Variants in TXLNB observed in about 807,000 individuals in gnomAD.
The protein encoded by TXLNB is taxilin beta.
In TXLNB, 37 loss-of-function variants were observed where a neutral mutation model predicts 57.4. The ratio of observed to expected loss-of-function variants is 0.64; its 90% CI spans 0.50 to 0.85. The LOEUF is 0.85. TXLNB is among the 40% of genes least tolerant of loss of function. TXLNB has a pLI of 0.00. For missense variants in TXLNB, 848 were observed against 825.6 expected, an observed-to-expected ratio of 1.03 and a Z score of -0.33; for synonymous variants, 302 against 309.6, an observed-to-expected ratio of 0.98 and a Z score of 0.26.
chr6:139,189,796 T>C, the TXLNB span, among the ~76,000 whole-genome samples: 1 of 152,144 alleles, frequency 6.6e-6, no homozygotes, highest in Non-Finnish European at 1.5e-5. Flanking sequence ...TCTTGTCGGG[T>C]ATGAAGTCAC....
chr6:139,228,263 C>A, the TXLNB span, among the ~76,000 whole-genome samples: 6 of 152,122 alleles, frequency 3.9e-5, no homozygotes, highest in East Asian at 1.2e-3. Flanking sequence ...CACCTGTAAT[C>A]CCAGCACTTT....
At chr6:139,235,410 T>C (rs1439197459), downstream of TXLNB, among the ~76,000 whole-genome samples, 1 of 152,218 alleles carries the variant, frequency 6.6e-6, no homozygotes, top group Non-Finnish European at 1.5e-5. Context: ...TGGAATGAGT[T>C]AAGACTTTGG....
At chr6:139,280,215 G>A (rs1466262947) in intron 2 of TXLNB, among the ~76,000 whole-genome samples, 2 of 135,548 alleles carry the variant, frequency 1.5e-5, no homozygotes, top group African/African-American at 5.5e-5. Context: ...CTGTACCACT[G>A]CACTCCGGCC....
the TXLNB span, among the ~76,000 whole-genome samples, chr6:139,209,417 T>C: frequency 6.6e-6 from 1 of 152,030 alleles, no homozygotes; most frequent in Non-Finnish European, 1.5e-5. Context: ...AATACTATCA[T>C]CCTACTTCAC....
chr6:139,289,977 T>C (rs2114646603), intron 1 of TXLNB, among the ~76,000 whole-genome samples: 1 of 152,374 alleles, frequency 6.6e-6, no homozygotes, highest in South Asian at 2.1e-4. Context: ...TTCTCACTTT[T>C]CTGGCATTTT....
chr6:139,228,526 C>CAA, the TXLNB span, among the ~76,000 whole-genome samples: 889 of 44,154 alleles, frequency 0.02, 19 homozygotes, highest in African/African-American at 0.058. Flanking sequence ...AACTCCATCT[C>CAA]AAAAAAAAAA....
the TXLNB span, among the ~76,000 whole-genome samples, chr6:139,210,696 G>A: frequency 2.0e-4 from 30 of 152,372 alleles, no homozygotes; most frequent in East Asian, 5.8e-4. Context: ...CGCCTCACCC[G>A]GGAAGTGCAA....
At chr6:139,193,241 C>CTTTTTTTTTTTTTTTTTTTT in the TXLNB span, among the ~76,000 whole-genome samples, 1 of 101,210 alleles carries the variant, frequency 9.9e-6, no homozygotes, top group Non-Finnish European at 2.0e-5. Flanking sequence ...CTTTGACCCT[C>CTTTTTTTTTTTTTTTTTTTT]TTTTTTTTTT....
chr6:139,305,367 A>G, the TXLNB span, among the ~76,000 whole-genome samples: 1 of 152,196 alleles, frequency 6.6e-6, no homozygotes, highest in African/African-American at 2.4e-5. Flanking sequence ...TTTAAGGACA[A>G]TTTGCCTACA....
chr6:139,280,474 T>G (rs1777019839), intron 2 of TXLNB, among the ~76,000 whole-genome samples: 1 of 151,934 alleles, frequency 6.6e-6, no homozygotes, highest in South Asian at 2.1e-4. Flanking sequence ...TAAAACCGCG[T>G]CTCTACTAAA....
chr6:139,197,058 G>A, the TXLNB span, among the ~76,000 whole-genome samples: 2 of 152,166 alleles, frequency 1.3e-5, no homozygotes, highest in Non-Finnish European at 2.9e-5. Flanking sequence ...TTTGGGGGTG[G>A]GGGGTTATTA....
chr6:139,277,679 C>T (rs569336843), intron 2 of TXLNB, among the ~76,000 whole-genome samples: 6 of 152,104 alleles, frequency 3.9e-5, no homozygotes, highest in African/African-American at 7.2e-5. Context: ...CCTTAATATC[C>T]GTTGGCAGTT....
chr6:139,198,970 C>CAT, the TXLNB span, among the ~76,000 whole-genome samples: 4 of 144,778 alleles, frequency 2.8e-5, no homozygotes, highest in African/African-American at 1.1e-4. Context: ...TTTCTTTCTT[C>CAT]CTTTTTTTTT....
the TXLNB span, chr6:139,179,064 A>G: frequency 6.6e-6 from 1 of 152,182 alleles, no homozygotes; most frequent in Non-Finnish European, 1.5e-5. Context: ...TAAGAAGTAG[A>G]AAGTCATTGA....
chr6:139,194,695 A>G, the TXLNB span, among the ~76,000 whole-genome samples: 1 of 152,154 alleles, frequency 6.6e-6, no homozygotes, highest in African/African-American at 2.4e-5. Context: ...TGGCCTCTCA[A>G]TGTATTTCCA....
intron 4 of TXLNB, among the ~76,000 whole-genome samples, chr6:139,265,678 T>C (rs1240275085): frequency 6.6e-6 from 1 of 152,154 alleles, no homozygotes; most frequent in Non-Finnish European, 1.5e-5. Context: ...AAACTCTGGA[T>C]GAAATGCAAG....
chr6:139,263,184 T>C (rs958611801), intron 4 of TXLNB, among the ~76,000 whole-genome samples: 16 of 152,226 alleles, frequency 1.1e-4, no homozygotes, highest in African/African-American at 3.9e-4. Flanking sequence ...GGGAGAACAA[T>C]AGATCTTATA....
the TXLNB span, among the ~76,000 whole-genome samples, chr6:139,168,005 A>G: frequency 6.6e-6 from 1 of 152,244 alleles, no homozygotes; most frequent in Non-Finnish European, 1.5e-5. Context: ...GACACATCAC[A>G]TATAACATGT....
chr6:139,241,348 G>A lies in TXLNB; in HGVS notation c.*1178C>T, dbSNP rs1184517489. 2 of 152,198 alleles carry A rather than the reference G, an allele frequency of 1.3e-5. No individual in the cohort carries two copies. The highest frequency in any genetic ancestry group is 2.9e-5 in the Non-Finnish European group (2 of 68,048). 9.4% of individuals were successfully genotyped at this position (152,198 alleles called of 1,614,324 possible). On this transcript the variant is annotated 3_prime_UTR_variant, in exon 10 of 10. Coordinates refer to ENST00000358430, the MANE Select transcript of TXLNB (RefSeq NM_153235.4). ...CTTTATTTAGCATTAATTGAGATGA[G>A]GGCTGGGTGTAATTTCCTGCTACAA...
Sources: gnomAD v4.1 joint callset for allele counts (sites outside exome capture counted in the v4.1 genomes callset) on GRCh38, gnomAD v4.1.1 for gene constraint, MANE v1.5 for transcripts, NCBI Gene and HGNC (gene_info 2026-07-23, HGNC 2026-07-21) for gene names.